Variants in NLGN1 observed in about 807,000 individuals in gnomAD.
NLGN1 encodes neuroligin-1.
NLGN1 carries 12 observed loss-of-function variants against 65.5 expected under a neutral mutation model. The ratio of observed to expected loss-of-function variants is 0.18; its 90% CI spans 0.12 to 0.30. The LOEUF is 0.30. Ranked by LOEUF, NLGN1 falls within the 10% of genes least tolerant of loss-of-function variation. The probability of loss-of-function intolerance (pLI) is 1.00; values close to 1 mark genes in which losing one functional copy is unlikely to be tolerated. For synonymous variants in NLGN1, 350 were observed against 359.5 expected, an observed-to-expected ratio of 0.97 and a Z score of 0.30; for missense variants, 750 against 1,007.1, an observed-to-expected ratio of 0.74 and a Z score of 3.46.
intron 1 of NLGN1, among the ~76,000 whole-genome samples, chr3:173,405,697 G>A (rs766972087): frequency 1.5e-4 from 23 of 151,844 alleles, no homozygotes; most frequent in Non-Finnish European, 2.9e-4. Flanking sequence ...CTAGTCTTAA[G>A]AAAAGAAATA....
chr3:174,250,488 C>T (rs574544139), intron 4 of NLGN1, among the ~76,000 whole-genome samples: 1 of 152,200 alleles, frequency 6.6e-6, no homozygotes, highest in African/African-American at 2.4e-5. Context: ...GCTTGAAGAG[C>T]GAGCATCTGT....
intron 3 of NLGN1, among the ~76,000 whole-genome samples, chr3:173,797,138 T>C (rs1056908518): frequency 5.9e-5 from 9 of 152,076 alleles, no homozygotes; most frequent in Admixed American, 5.9e-4. Flanking sequence ...GAAGCATATG[T>C]TTACTCCACT....
chr3:173,637,467 T>C (rs75842777), intron 3 of NLGN1, among the ~76,000 whole-genome samples: 4,254 of 152,208 alleles, frequency 0.028, 90 homozygotes, highest in Middle Eastern at 0.044. Context: ...CATATAAGCT[T>C]TTTATATTCT....
At chr3:173,999,293 A>G (rs1031285951) in intron 4 of NLGN1, among the ~76,000 whole-genome samples, 4 of 152,170 alleles carry the variant, frequency 2.6e-5, no homozygotes, top group Admixed American at 1.3e-4. Flanking sequence ...TTGCCCCAAA[A>G]TGATTTCAAG....
At chr3:174,045,549 C>A (rs2152495419) in intron 4 of NLGN1, among the ~76,000 whole-genome samples, 1 of 152,186 alleles carries the variant, frequency 6.6e-6, no homozygotes, top group Admixed American at 6.5e-5. Flanking sequence ...CAGAGCCAGA[C>A]TATATTATGT....
chr3:173,923,550 G>A (rs955440160), intron 4 of NLGN1, among the ~76,000 whole-genome samples: 1 of 151,980 alleles, frequency 6.6e-6, no homozygotes, highest in African/African-American at 2.4e-5. Context: ...TTGCTGGTGT[G>A]GGTTAAACAT....
chr3:174,272,702 G>GAT (rs2152880924), intron 4 of NLGN1, among the ~76,000 whole-genome samples: 1 of 150,830 alleles, frequency 6.6e-6, no homozygotes, highest in Admixed American at 6.7e-5. Context: ...TAGATAGATA[G>GAT]ATAGATATAG....
At chr3:173,434,873 T>C (rs931261549) in intron 1 of NLGN1, 2 of 152,628 alleles carry the variant, frequency 1.3e-5, no homozygotes, top group East Asian at 1.9e-4. Flanking sequence ...TTAGAGGAAA[T>C]TTTTTGGTCA....
intron 4 of NLGN1, among the ~76,000 whole-genome samples, chr3:173,911,078 A>C (rs1319650574): frequency 6.6e-6 from 1 of 152,174 alleles, no homozygotes; most frequent in Non-Finnish European, 1.5e-5. Context: ...TTTGTGAAAA[A>C]TCTCCTAAAC....
At chr3:173,452,763 C>G (rs964744767) in intron 2 of NLGN1, among the ~76,000 whole-genome samples, 2 of 152,144 alleles carry the variant, frequency 1.3e-5, no homozygotes, top group African/African-American at 4.8e-5. Flanking sequence ...ATAGGAGATT[C>G]AGGGATACCT....
intron 4 of NLGN1, among the ~76,000 whole-genome samples, chr3:174,079,476 T>A (rs989753171): frequency 1.3e-5 from 2 of 152,144 alleles, no homozygotes; most frequent in Non-Finnish European, 2.9e-5. Context: ...GTGAAAGACA[T>A]TGTGGTGATT....
chr3:173,809,125 C>T (rs374727997), intron 4 of NLGN1, among the ~76,000 whole-genome samples: 1 of 152,084 alleles, frequency 6.6e-6, no homozygotes, highest in Non-Finnish European at 1.5e-5. Flanking sequence ...ATAAAATATT[C>T]TGTAGCACTG....
rs192096747 is a variant in NLGN1 at position 173,974,675 on chromosome 3, T to G, written c.646+166843T>G. Among the ~76,000 whole-genome samples, 220 of 152,196 alleles carry G rather than the reference T, an allele frequency of 1.4e-3. 1 individual carries two copies. The highest frequency in any genetic ancestry group is 5.1e-3 in the African/African-American group (210 of 41,562). On this transcript the variant is annotated intron_variant, in intron 4 of 6. Coordinates refer to ENST00000457714, the Ensembl canonical transcript of NLGN1. ...GGGTGCTTCAAAGAAAGCTTTAAGA[T>G]TCCTTCCTGAGTCTTTTAAGTTTGA... is the stretch of plus-strand genomic sequence containing the variant.
In NLGN1 at chr3:173,629,249, A is replaced by C. The variant is rs576843924; in HGVS notation, c.493+24158A>C. On this transcript the variant is annotated intron_variant, in intron 3 of 6. Coordinates refer to ENST00000457714, the Ensembl canonical transcript of NLGN1. ...CATATTCCCAGGCTGGAGTTGATTT[A>C]ATCTTCATTAGGCTGGCAAACACCA... Among the ~76,000 whole-genome samples, 10 of 152,002 alleles carry C rather than the reference A, an allele frequency of 6.6e-5. No individual in the cohort carries two copies. The East Asian group carries it at 2.0e-3, about 30-fold the overall frequency.
At chr3:173,622,920 C>T (rs181191284) in intron 3 of NLGN1, among the ~76,000 whole-genome samples, 5 of 152,150 alleles carry the variant, frequency 3.3e-5, no homozygotes, top group Admixed American at 2.0e-4. Flanking sequence ...CAAATGTAGG[C>T]CTTGGGGAAG....
intron 4 of NLGN1, among the ~76,000 whole-genome samples, chr3:174,122,515 G>A (rs1442706606): frequency 6.6e-6 from 1 of 152,104 alleles, no homozygotes; most frequent in Admixed American, 6.5e-5. Flanking sequence ...TACCTAGAGG[G>A]GGAGATTATT....
intron 2 of NLGN1, among the ~76,000 whole-genome samples, chr3:173,447,459 T>A (rs1720585511): frequency 6.6e-6 from 1 of 152,218 alleles, no homozygotes; most frequent in Admixed American, 6.5e-5. Flanking sequence ...GCTGTTTTGG[T>A]TACTGTAGCC....
chr3:173,488,327 C>G (rs991338129), intron 2 of NLGN1, among the ~76,000 whole-genome samples: 1 of 151,852 alleles, frequency 6.6e-6, no homozygotes, highest in Admixed American at 6.6e-5. Flanking sequence ...TGTTCATATT[C>G]TTGGCCATTA....
At position 173,601,135 on chromosome 3, in the gene NLGN1, C is replaced by T. The variant is rs552235708; in HGVS notation, c.-320-3144C>T. On this transcript the variant is annotated intron_variant, in intron 2 of 6. Transcript: ENST00000457714. ...ATTGACTTCGAAGTCAGACGAAGCT[C>T]GTCCTATGTGTGGATTGATAGGCTA... Among the ~76,000 whole-genome samples, 77 of 152,054 alleles carry T rather than the reference C, an allele frequency of 5.1e-4. 1 individual carries two copies. In the South Asian group the frequency reaches 0.012, roughly 24 times the overall value.
Sources: gnomAD v4.1 joint callset for allele counts (sites outside exome capture counted in the v4.1 genomes callset) on GRCh38, gnomAD v4.1.1 for gene constraint, MANE v1.5 for transcripts, NCBI Gene and HGNC (gene_info 2026-07-23, HGNC 2026-07-21) for gene names.